MBD5: variants seen among roughly 807,000 people sequenced by gnomAD.
MBD5 encodes methyl-CpG-binding domain protein 5.
Under a neutral mutation model 117.3 loss-of-function variants are expected in MBD5, and 13 were observed. That is an observed-to-expected ratio of 0.11 (90% CI 0.07 to 0.18). The LOEUF (loss-of-function observed/expected upper bound fraction) is 0.18, where lower values mean the gene tolerates loss of function less well. Among genes scored for constraint, MBD5 ranks in the 10% least tolerant of loss-of-function variants. The pLI is 1.00. For missense variants in MBD5, 1,879 were observed against 2,093.8 expected (o/e 0.90, Z 2.00); for synonymous variants, 727 against 766.4 (o/e 0.95, Z 0.85).
chr2:148,362,450 G>A (rs1703568409), intron 4 of MBD5, among the ~76,000 whole-genome samples: 1 of 152,162 alleles, frequency 6.6e-6, no homozygotes, highest in Admixed American at 6.5e-5. Context: ...CTCCTCTGTT[G>A]GCAGGGCATC....
chr2:148,301,897 A>C (rs537562267), intron 3 of MBD5, among the ~76,000 whole-genome samples: 1 of 152,258 alleles, frequency 6.6e-6, no homozygotes, highest in Non-Finnish European at 1.5e-5. Context: ...GCTGATCACC[A>C]GTTTCAGGTG....
intron 1 of MBD5, among the ~76,000 whole-genome samples, chr2:148,052,996 T>C (rs1275065447): frequency 6.6e-6 from 1 of 151,280 alleles, no homozygotes; most frequent in African/African-American, 2.4e-5. Context: ...AGAGACAATG[T>C]GTATTCTACT....
chr2:148,150,516 G>A (rs1358935519), intron 1 of MBD5, among the ~76,000 whole-genome samples: 1 of 152,094 alleles, frequency 6.6e-6, no homozygotes. Context: ...CCTTGAATCT[G>A]TAAATTACCT....
rs377517776 is a variant in MBD5, at chr2:148,463,723, G to C, written c.217-16G>C. The C allele has an allele frequency of 3.5e-4, 565 of 1,613,082 alleles. 1 individual carries two copies. Among genetic ancestry groups the C allele is most frequent in the Non-Finnish European group, 4.7e-4 (556 of 1,179,358 alleles). ...TTTTACAGACATATTCTAAACAAAGGCTGTGCTTTTTCCAGGTATTTAATT... is the reference window on the plus strand; with the variant it reads ...TTTTACAGACATATTCTAAACAAAGCCTGTGCTTTTTCCAGGTATTTAATT... On this transcript the variant is annotated splice_polypyrimidine_tract_variant and intron_variant, in intron 6 of 13. Coordinates refer to ENST00000642680, the MANE Select transcript of MBD5 (RefSeq NM_001378120.1).
At chr2:148,132,600 T>C (rs962807102) in intron 1 of MBD5, among the ~76,000 whole-genome samples, 25 of 152,136 alleles carry the variant, frequency 1.6e-4, no homozygotes, top group African/African-American at 6.0e-4. Flanking sequence ...CTAACTGCTT[T>C]GCTTAAATCA....
intron 1 of MBD5, among the ~76,000 whole-genome samples, chr2:148,042,136 G>T (rs1235212067): frequency 6.6e-6 from 1 of 152,178 alleles, no homozygotes; most frequent in East Asian, 1.9e-4. Context: ...TTTAGTTGCA[G>T]ATACCTCATT....
chr2:148,385,557 C>T (rs1428932496), intron 4 of MBD5, among the ~76,000 whole-genome samples: 3 of 152,088 alleles, frequency 2.0e-5, no homozygotes, highest in Non-Finnish European at 4.4e-5. Context: ...TGTGGCAATT[C>T]CTCAGGGATC....
intron 12 of MBD5, among the ~76,000 whole-genome samples, chr2:148,509,336 T>C (rs900942394): frequency 1.3e-5 from 2 of 152,182 alleles, no homozygotes; most frequent in African/African-American, 4.8e-5. Context: ...TTCATAGATC[T>C]AAGCTTCAAA....
intron 1 of MBD5, among the ~76,000 whole-genome samples, chr2:148,115,228 C>A (rs1264070300): frequency 6.6e-6 from 1 of 151,880 alleles, no homozygotes. Context: ...TATTGATTAT[C>A]ATATACAGAC....
intron 4 of MBD5, among the ~76,000 whole-genome samples, chr2:148,349,923 C>A (rs17276953): frequency 0.047 from 7,104 of 151,934 alleles, 239 homozygotes; most frequent in Admixed American, 0.098. Context: ...AAAATATAAA[C>A]CCAGAACAGT....
At chr2:148,064,868 G>A (rs1182173723) in intron 1 of MBD5, among the ~76,000 whole-genome samples, 5 of 151,720 alleles carry the variant, frequency 3.3e-5, no homozygotes, top group Admixed American at 1.3e-4. Flanking sequence ...AATCTTGACC[G>A]TTCTTTCTTA....
chr2:148,122,922 A>T (rs992888061), intron 1 of MBD5, among the ~76,000 whole-genome samples: 1 of 152,176 alleles, frequency 6.6e-6, no homozygotes, highest in Non-Finnish European at 1.5e-5. Flanking sequence ...GGGACATAGG[A>T]TAGTGAATGA....
chr2:148,184,840 T>G (rs1698613952), intron 2 of MBD5, among the ~76,000 whole-genome samples: 1 of 152,152 alleles, frequency 6.6e-6, no homozygotes, highest in Non-Finnish European at 1.5e-5. Context: ...CCCAGGCTAC[T>G]TGAGAAATCA....
At chr2:148,432,517 T>A (rs1706021723) in intron 4 of MBD5, among the ~76,000 whole-genome samples, 1 of 152,208 alleles carries the variant, frequency 6.6e-6, no homozygotes, top group Admixed American at 6.6e-5. Context: ...CATTAAGTCT[T>A]TCATCCATCT....
At position 148,060,388 on chromosome 2, in the gene MBD5, AAG is replaced by A. The variant is rs1235464980; in HGVS notation, c.-925+38706_-925+38707del. Among the ~76,000 whole-genome samples, 18 of 152,210 alleles carry A rather than the reference AAG, an allele frequency of 1.2e-4. No homozygotes were observed. In the East Asian group the frequency reaches 3.3e-3, roughly 28 times the overall value. ...TAATTGTATGTTTTGTAAAAAAAAAAAGAACAAATTTTATCATACATTCTTGT... is the reference window on the plus strand; with the variant it reads ...TAATTGTATGTTTTGTAAAAAAAAAAAACAAATTTTATCATACATTCTTGT... On this transcript the variant is annotated intron_variant, in intron 1 of 13. Transcript: ENST00000642680.
chr2:148,283,123 A>C (rs1350303811), intron 3 of MBD5, among the ~76,000 whole-genome samples: 1 of 152,124 alleles, frequency 6.6e-6, no homozygotes, highest in East Asian at 1.9e-4. Flanking sequence ...CTCCCATATC[A>C]GAGTGTTTGT....
chr2:148,450,368 A>G (rs763205968), intron 4 of MBD5, among the ~76,000 whole-genome samples: 4 of 152,206 alleles, frequency 2.6e-5, no homozygotes, highest in Non-Finnish European at 5.9e-5. Context: ...AATTTAAGTT[A>G]AACCCTATTT....
At chr2:148,115,405 A>G (rs1314251107) in intron 1 of MBD5, among the ~76,000 whole-genome samples, 1 of 152,140 alleles carries the variant, frequency 6.6e-6, no homozygotes, top group African/African-American at 2.4e-5. Flanking sequence ...CTCATTATAA[A>G]ATTGATATGA....
chr2:148,497,851 T>G (rs975560313), intron 11 of MBD5, among the ~76,000 whole-genome samples: 2 of 152,116 alleles, frequency 1.3e-5, no homozygotes, highest in African/African-American at 2.4e-5. Flanking sequence ...CTAAATAATT[T>G]TACATACCAC....
Sources: gnomAD v4.1 joint callset for allele counts (sites outside exome capture counted in the v4.1 genomes callset) on GRCh38, gnomAD v4.1.1 for gene constraint, MANE v1.5 for transcripts, NCBI Gene and HGNC (gene_info 2026-07-23, HGNC 2026-07-21) for gene names.